Variants in SMG9 observed in about 807,000 individuals in gnomAD.
SMG9 encodes SMG9 nonsense mediated mRNA decay factor, also known as nonsense-mediated mRNA decay factor SMG9.
Under a neutral mutation model 64.0 loss-of-function variants are expected in SMG9, and 55 were observed. The ratio of observed to expected loss-of-function variants is 0.86; its 90% CI spans 0.69 to 1.08. The LOEUF (loss-of-function observed/expected upper bound fraction) is 1.08. Ranked by LOEUF, SMG9 falls within the 50% of genes least tolerant of loss-of-function variation. SMG9 has a pLI of 0.00. For missense variants in SMG9, 554 were observed against 681.3 expected, an observed-to-expected ratio of 0.81 and a Z score of 2.08; for synonymous variants, 244 against 254.8, an observed-to-expected ratio of 0.96 and a Z score of 0.41.
At position 43,728,631 on chromosome 19, in the gene SMG9, A is replaced by T. The variant is rs1968375099; in HGVS notation, c.*2965T>A. Reference sequence around the variant, plus strand: ...TTGCAGACAAAACAGATGCCCAGCAAGCTTTAGCAACTTGTCCAATGCCAC... The same window carrying T: ...TTGCAGACAAAACAGATGCCCAGCATGCTTTAGCAACTTGTCCAATGCCAC... On this transcript the variant is annotated 3_prime_UTR_variant, in exon 14 of 14. Transcript: ENST00000270066. The T allele has an allele frequency of 6.6e-6, 1 of 152,266 alleles. No individual in the cohort carries two copies. The highest frequency in any genetic ancestry group is 6.5e-5 in the Admixed American group (1 of 15,286). 9.4% of individuals were successfully genotyped at this position (152,266 alleles called of 1,614,324 possible).
rs751171044 is a variant in SMG9, at chr19:43,734,508, G to A, written c.996-13C>T. ...TGTCTGCAGGAACCTTGGGGTTTGG[G>A]GTGAGTGGCTGTTGCTCTTGCACTT... is the stretch of plus-strand genomic sequence containing the variant. On this transcript the variant is annotated splice_polypyrimidine_tract_variant and intron_variant, in intron 9 of 13. Coordinates refer to ENST00000270066, the MANE Select transcript of SMG9 (RefSeq NM_019108.4). The A allele has an allele frequency of 6.5e-7, 1 of 1,543,518 alleles. No individual in the cohort carries two copies.
intron 9 of SMG9, among the ~76,000 whole-genome samples, chr19:43,736,876 G>A (rs1000756185): frequency 2.8e-4 from 43 of 152,206 alleles, no homozygotes; most frequent in Admixed American, 1.1e-3. Context: ...GCACGAGGGC[G>A]AGAGTCTGAG....
intron 5 of SMG9, 105 bp downstream of exon 5, chr19:43,747,337 G>GT (rs1209976986): frequency 2.8e-6 from 3 of 1,074,542 alleles, no homozygotes; most frequent in East Asian, 2.5e-5. Context: ...TCTCACTGCT[G>GT]TAAGTTGCCT....
At chr19:43,732,780 C>A in intron 13 of SMG9, 78 bp downstream of exon 13, 3 of 1,564,884 alleles carry the variant, frequency 1.9e-6, no homozygotes, top group South Asian at 2.2e-5. Context: ...CAAGGTCATG[C>A]CGATCTAAGG....
At chr19:43,744,457 G>A (rs534581666) in intron 6 of SMG9, among the ~76,000 whole-genome samples, 5 of 152,258 alleles carry the variant, frequency 3.3e-5, no homozygotes, top group Non-Finnish European at 7.4e-5. Context: ...ATGTTGCAGG[G>A]CTGAGCCTGA....
chr19:43,742,282 A>T (rs1968868833), intron 6 of SMG9, among the ~76,000 whole-genome samples: 1 of 152,134 alleles, frequency 6.6e-6, no homozygotes, highest in African/African-American at 2.4e-5. Context: ...ACAAAAAATT[A>T]AAAAATTAGT....
chr19:43,746,793 C>G lies in SMG9; in HGVS notation c.588+649G>C, dbSNP rs193294640. On this transcript the variant is annotated intron_variant, in intron 5 of 13. Coordinates refer to ENST00000270066, the MANE Select transcript of SMG9 (RefSeq NM_019108.4). ...GGGGAGTGACATTCAAAACAGTTGA[C>G]ACTGAGACAGCGTGGGCTTCTTGTT... Among the ~76,000 whole-genome samples the G allele has an allele frequency of 4.6e-5, 7 of 150,614 alleles. 1 individual carries two copies. In the East Asian group the frequency reaches 9.7e-4, roughly 21 times the overall value.
Position 43,753,456 on chromosome 19 carries a change from TTC to T in SMG9, c.-7+1196_-7+1197del. On this transcript the variant is annotated intron_variant, in intron 1 of 13. Transcript: ENST00000270066. ...AGTAAGCGCCCCTGTGTGAATGCTT[TTC>T]TTTTTTTTTTTTTTTTTTTTTTGAG... Among the ~76,000 whole-genome samples the T allele has an allele frequency of 2.0e-5, 3 of 149,170 alleles. No individual in the cohort carries two copies. The Admixed American group carries it at 2.1e-4, about 10-fold the overall frequency.
At position 43,730,692 on chromosome 19, in the gene SMG9, T is replaced by G. The variant is rs1968452277; in HGVS notation, c.*904A>C. 6.6e-6 allele frequency: 1 copy of G among 152,146 alleles called. No individual in the cohort carries two copies. The highest frequency in any genetic ancestry group is 2.4e-5 in the African/African-American group (1 of 41,386). The allele number at this position is 152,146 out of a possible 1,614,324, so 9.4% of individuals were successfully genotyped here. On this transcript the variant is annotated 3_prime_UTR_variant, in exon 14 of 14. Transcript: ENST00000270066. ...AGTTCTCCCACCTCAGCCTCCCAAG[T>G]AGCTAGGATTACAGGCGTGCGCCAC... is the stretch of plus-strand genomic sequence containing the variant.
intron 13 of SMG9, chr19:43,732,223 A>C (rs531640752): frequency 3.1e-5 from 5 of 158,976 alleles, no homozygotes; most frequent in African/African-American, 1.2e-4. Flanking sequence ...GCCAAGTTAG[A>C]GAGGCTGCAC....
chr19:43,748,203 T>C, intron 2 of SMG9, 151 bp from the exon 3 acceptor site: 1 of 1,001,342 alleles, frequency 1.0e-6, no homozygotes, highest in Non-Finnish European at 1.4e-6. Context: ...ACCCCCACTT[T>C]ACAGATGAAG....
At position 43,732,562 on chromosome 19, in the gene SMG9, G is replaced by A. The variant is rs141703764; in HGVS notation, c.1484+296C>T. The A allele has an allele frequency of 1.5e-3, 615 of 406,340 alleles. 2 individuals carry two copies. Among genetic ancestry groups the A allele is most frequent in the African/African-American group, 0.011 (551 of 48,436 alleles). 25.2% of individuals were successfully genotyped at this position (406,340 alleles called of 1,614,324 possible). A position where few individuals can be genotyped will look rare whatever the true frequency, so the allele number is the denominator to read the frequency against. On this transcript the variant is annotated intron_variant, in intron 13 of 13. Transcript: ENST00000270066. ...AATCAAATGACTCCTAGCCACAGAT[G>A]TGTGGCCTTGCTATGTAACACTTTT...
chr19:43,744,975 C>T (rs1261845827), intron 5 of SMG9, 91 bp from the exon 6 acceptor site: 5 of 863,992 alleles, frequency 5.8e-6, no homozygotes, highest in Non-Finnish European at 9.2e-6. Flanking sequence ...GTGGCTCCCC[C>T]ACCTGCCTTA....
chr19:43,752,530 A>G (rs1045031398), intron 1 of SMG9, among the ~76,000 whole-genome samples: 1 of 152,218 alleles, frequency 6.6e-6, no homozygotes, highest in African/African-American at 2.4e-5. Context: ...TGCCTTCTTG[A>G]TGCAATGGCA....
chr19:43,734,559 C>G lies in SMG9; in HGVS notation c.996-64G>C, dbSNP rs1351521027. 6.5e-6 allele frequency: 7 copies of G among 1,080,414 alleles called. No homozygotes were observed. In the South Asian group the frequency reaches 9.6e-5, roughly 15 times the overall value. The allele number at this position is 1,080,414 out of a possible 1,614,324, so 66.9% of individuals were successfully genotyped here. A position where few individuals can be genotyped will look rare whatever the true frequency, so the allele number is the denominator to read the frequency against. On this transcript the variant is annotated intron_variant, in intron 9 of 13. Coordinates refer to ENST00000270066, the MANE Select transcript of SMG9 (RefSeq NM_019108.4). ...GCACCCCAGGTCCCACAGCCTGGGACAGGGGCTTCCTTTGAGATTCTGATG... is the reference window on the plus strand; with the variant it reads ...GCACCCCAGGTCCCACAGCCTGGGAGAGGGGCTTCCTTTGAGATTCTGATG...
At position 43,747,956 on chromosome 19, in the gene SMG9, TCCTC is replaced by T. The variant is rs1264915394; in HGVS notation, c.225+18_225+21del. The T allele has an allele frequency of 1.2e-6, 2 of 1,613,992 alleles. No individual in the cohort carries two copies. The highest frequency in any genetic ancestry group is 2.7e-5 in the African/African-American group (2 of 74,914). On this transcript the variant is annotated intron_variant, in intron 3 of 13. Transcript: ENST00000270066. ...CAATCCCTTCCCTAACGGCTCCCCC[TCCTC>T]CCTCCTTCTCTGCTCACCCGCTCTG...
intron 13 of SMG9, 143 bp from the exon 14 acceptor site, chr19:43,731,817 G>C: frequency 1.0e-6 from 1 of 992,500 alleles, no homozygotes; most frequent in Non-Finnish European, 1.5e-6. Flanking sequence ...TCCTCGACTG[G>C]GATACAGGGA....
chr19:43,734,449 TG>T lies in SMG9; in HGVS notation c.1041del (p.Ser348AlafsTer20). The T allele has an allele frequency of 1.9e-6, 3 of 1,563,190 alleles. No individual in the cohort carries two copies. The highest frequency in any genetic ancestry group is 1.7e-6 in the Non-Finnish European group (2 of 1,153,216). On this transcript the variant is annotated frameshift_variant, in exon 10 of 14. Coordinates refer to ENST00000270066, the MANE Select transcript of SMG9 (RefSeq NM_019108.4). LOFTEE classifies it high-confidence loss of function. ...AEMVKPSTPSPSHESSSSSGS... is the reference protein window; with the variant it reads ...AEMVKPSTPSXSHESSSSSGS... ...CCCGATGAGCTGCTGGACTCGTGGC[TG>T]GGGGATGGGGTGGAGGGCTTCACCA...
intron 1 of SMG9, 32 bp from the exon 2 acceptor site, chr19:43,750,779 CAG>C (rs1969171319): frequency 6.3e-6 from 10 of 1,581,228 alleles, no homozygotes; most frequent in Non-Finnish European, 8.6e-6. Flanking sequence ...TTCAGGATGA[CAG>C]AGTCTCTTCC....
Sources: allele counts gnomAD v4.1 joint callset (sites outside exome capture counted in the v4.1 genomes callset), GRCh38; gene constraint gnomAD v4.1.1; transcripts MANE v1.5; gene names NCBI Gene and HGNC (gene_info 2026-07-23, HGNC 2026-07-21).